Variants in FBXL7 observed in about 807,000 individuals in gnomAD.
FBXL7 encodes F-box/LRR-repeat protein 7.
FBXL7 carries 12 observed loss-of-function variants against 38.3 expected under a neutral mutation model. That is an observed-to-expected ratio of 0.31 (90% CI 0.20 to 0.51). FBXL7 has a LOEUF of 0.51. Among genes scored for constraint, FBXL7 ranks in the 20% least tolerant of loss-of-function variants. The pLI is 0.98. For synonymous variants in FBXL7, 297 were observed against 300.9 expected (o/e 0.99, Z 0.13); for missense variants, 567 against 676.4 (o/e 0.84, Z 1.79).
At chr5:15,747,620 T>G (rs1280098608) in intron 2 of FBXL7, among the ~76,000 whole-genome samples, 1 of 152,208 alleles carries the variant, frequency 6.6e-6, no homozygotes, top group African/African-American at 2.4e-5. Context: ...TATACTTGAT[T>G]CTCAGCAAAG....
At chr5:15,783,756 G>A (rs1430148408) in intron 2 of FBXL7, among the ~76,000 whole-genome samples, 1 of 152,142 alleles carries the variant, frequency 6.6e-6, no homozygotes, top group African/African-American at 2.4e-5. Context: ...AAATAGTTAG[G>A]GAAGTAAGGA....
intron 2 of FBXL7, among the ~76,000 whole-genome samples, chr5:15,628,180 T>A (rs1740880062): frequency 6.6e-6 from 1 of 152,126 alleles, no homozygotes; most frequent in Non-Finnish European, 1.5e-5. Flanking sequence ...GTTTTCAAGA[T>A]GGGGTGGGGC....
chr5:15,506,111 A>AT (rs1294300805), intron 1 of FBXL7, among the ~76,000 whole-genome samples: 194 of 147,256 alleles, frequency 1.3e-3, no homozygotes, highest in Middle Eastern at 3.5e-3. Flanking sequence ...TCAGCATACA[A>AT]TTTTTTTTTT....
intron 2 of FBXL7, among the ~76,000 whole-genome samples, chr5:15,912,404 ACTGGCCTGCG>A (rs1469556775): frequency 7.1e-6 from 1 of 141,720 alleles, no homozygotes; most frequent in Non-Finnish European, 1.5e-5. Context: ...GCGCACACAC[ACTGGCCTGCG>A]CCCACTGTCT....
chr5:15,709,548 A>G (rs1489038398), intron 2 of FBXL7, among the ~76,000 whole-genome samples: 4 of 151,866 alleles, frequency 2.6e-5, no homozygotes, highest in African/African-American at 9.7e-5. Context: ...AAAGAAAAAA[A>G]AAAAAAAAGC....
intron 2 of FBXL7, among the ~76,000 whole-genome samples, chr5:15,782,520 A>G (rs904920697): frequency 6.6e-6 from 1 of 152,152 alleles, no homozygotes; most frequent in Non-Finnish European, 1.5e-5. Flanking sequence ...TCGCCATTCT[A>G]ACTGGTGTGA....
intron 2 of FBXL7, among the ~76,000 whole-genome samples, chr5:15,876,252 G>A (rs1740199646): frequency 6.6e-6 from 1 of 152,106 alleles, no homozygotes; most frequent in Non-Finnish European, 1.5e-5. Context: ...CCTGTCAGAG[G>A]GTGGGGGGTT....
chr5:15,814,181 T>A (rs1737944718), intron 2 of FBXL7, among the ~76,000 whole-genome samples: 1 of 152,164 alleles, frequency 6.6e-6, no homozygotes, highest in Non-Finnish European at 1.5e-5. Flanking sequence ...CCAACCCAAA[T>A]GCCCATCAAT....
At chr5:15,641,249 A>G (rs1247264383) in intron 2 of FBXL7, among the ~76,000 whole-genome samples, 1 of 152,166 alleles carries the variant, frequency 6.6e-6, no homozygotes, top group Non-Finnish European at 1.5e-5. Context: ...TGAGACTGAG[A>G]CTTGAAAGGG....
chr5:15,666,438 G>T, intron 2 of FBXL7, among the ~76,000 whole-genome samples: 1 of 152,090 alleles, frequency 6.6e-6, no homozygotes, highest in East Asian at 1.9e-4. Context: ...AGAAGAAAAT[G>T]GTGTCAGCTG....
intron 1 of FBXL7, chr5:15,501,426 C>T (rs1392530978): frequency 1.4e-5 from 14 of 985,472 alleles, no homozygotes; most frequent in African/African-American, 1.7e-5. Flanking sequence ...CTCCTACCTC[C>T]TCCCACTCTG....
At chr5:15,588,012 G>A (rs555450405) in intron 1 of FBXL7, among the ~76,000 whole-genome samples, 1 of 152,066 alleles carries the variant, frequency 6.6e-6, no homozygotes, top group African/African-American at 2.4e-5. Context: ...AAACCTCACT[G>A]TTATGCCAGG....
At chr5:15,714,295 C>G (rs1423736029) in intron 2 of FBXL7, among the ~76,000 whole-genome samples, 10 of 152,276 alleles carry the variant, frequency 6.6e-5, no homozygotes, top group East Asian at 5.8e-4. Context: ...CTCTCTCTTC[C>G]TCCTTCTCTG....
intron 2 of FBXL7, among the ~76,000 whole-genome samples, chr5:15,752,477 T>C (rs1170712837): frequency 2.6e-5 from 4 of 152,098 alleles, no homozygotes; most frequent in Non-Finnish European, 5.9e-5. Flanking sequence ...GATTGAGAAA[T>C]AGTCAACAGA....
chr5:15,567,851 G>T (rs895855227), intron 1 of FBXL7, among the ~76,000 whole-genome samples: 1 of 151,846 alleles, frequency 6.6e-6, no homozygotes, highest in Admixed American at 6.6e-5. Flanking sequence ...ACAGTGTTTG[G>T]TTTTTTGTCC....
At chr5:15,752,674 G>A (rs1736184785) in intron 2 of FBXL7, among the ~76,000 whole-genome samples, 1 of 152,164 alleles carries the variant, frequency 6.6e-6, no homozygotes, top group African/African-American at 2.4e-5. Flanking sequence ...GGACTTTGCA[G>A]ACTTCTCATT....
At chr5:15,535,176 T>G (rs989456354) in intron 1 of FBXL7, among the ~76,000 whole-genome samples, 1 of 152,168 alleles carries the variant, frequency 6.6e-6, no homozygotes, top group Non-Finnish European at 1.5e-5. Context: ...AATTAACCTC[T>G]TTTGTTTATA....
intron 2 of FBXL7, among the ~76,000 whole-genome samples, chr5:15,669,993 T>C (rs1742412593): frequency 6.6e-6 from 1 of 152,158 alleles, no homozygotes; most frequent in Non-Finnish European, 1.5e-5. Flanking sequence ...TTTGTCTCAT[T>C]CTCTTTTTCT....
intron 1 of FBXL7, among the ~76,000 whole-genome samples, chr5:15,570,833 C>G (rs1315940317): frequency 1.3e-5 from 2 of 152,154 alleles, no homozygotes; most frequent in African/African-American, 4.8e-5. Flanking sequence ...TGTCTCATGC[C>G]TGTAATCCCA....
Sources: allele counts gnomAD v4.1 joint callset (sites outside exome capture counted in the v4.1 genomes callset), GRCh38; gene constraint gnomAD v4.1.1; transcripts MANE v1.5; gene names NCBI Gene and HGNC (gene_info 2026-07-23, HGNC 2026-07-21).